HYAL3: variants seen among roughly 807,000 people sequenced by gnomAD.
HYAL3 encodes hyaluronidase-3.
In HYAL3, 25 loss-of-function variants were observed where a neutral mutation model predicts 29.6. That is an observed-to-expected ratio of 0.85 (90% CI 0.62 to 1.18). HYAL3 has a LOEUF of 1.18. Among genes scored for constraint, HYAL3 ranks in the 50% most tolerant of loss-of-function variants. The pLI is 0.00. For missense variants in HYAL3, 442 were observed against 548.4 expected, an observed-to-expected ratio of 0.81 and a Z score of 1.94; for synonymous variants, 215 against 218.3, an observed-to-expected ratio of 0.99 and a Z score of 0.13.
rs782683633 is a variant in HYAL3, at chr3:50,293,088, T to C, written c.*158A>G. On this transcript the variant is annotated 3_prime_UTR_variant, in exon 4 of 4. Coordinates refer to ENST00000336307, the MANE Select transcript of HYAL3 (RefSeq NM_003549.4). The stretch of plus-strand genomic sequence containing the variant: ...GGGCCTCTGGTTTTATAAGCGTTTT[T>C]TCTGGCCCCTTCTACCCCTCAGGGA... 1 of 1,433,952 alleles carries C rather than the reference T, an allele frequency of 7.0e-7. No homozygotes were observed. The highest frequency in any genetic ancestry group is 2.3e-5 in the East Asian group (1 of 43,988). The allele number at this position is 1,433,952 out of a possible 1,614,324, so 88.8% of individuals were successfully genotyped here.
rs781844263 is a variant in HYAL3, at chr3:50,297,020, C to T, written c.-17-1401G>A. On this transcript the variant is annotated intron_variant, in intron 1 of 3. Coordinates refer to ENST00000336307, the MANE Select transcript of HYAL3 (RefSeq NM_003549.4). The surrounding 1 kb of genome is among the most constrained non-coding windows in gnomAD (Gnocchi z 4.3). The stretch of plus-strand genomic sequence containing the variant: ...TGAGGCGGCGGCCAAAGCCACGGCC[C>T]CTCAGGGCCCGGGCCACCACCACTG... The T allele has an allele frequency of 4.5e-6, 7 of 1,545,012 alleles. No individual in the cohort carries two copies. The highest frequency in any genetic ancestry group is 5.2e-6 in the Non-Finnish European group (6 of 1,149,642).
chr3:50,296,566 A>G (rs1450069911), intron 1 of HYAL3: 5 of 1,601,828 alleles, frequency 3.1e-6, no homozygotes, highest in East Asian at 2.2e-5. Flanking sequence ...GGGGCAGTCT[A>G]TTGAACCAGA....
chr3:50,299,027 G>A (rs1702001424), intron 1 of HYAL3, 186 bp downstream of exon 1: 2 of 1,525,158 alleles, frequency 1.3e-6, no homozygotes, highest in East Asian at 4.8e-5. Context: ...CTCCTAGTGG[G>A]TCACAGGCTG....
intron 2 of HYAL3, among the ~76,000 whole-genome samples, chr3:50,293,927 G>T (rs1701752658): frequency 1.3e-5 from 2 of 152,144 alleles, no homozygotes; most frequent in African/African-American, 4.8e-5. Flanking sequence ...GCTCACTGCA[G>T]CCTTGAACTC....
rs1265227018 is a variant in HYAL3, at chr3:50,295,575, C to T, written c.28G>A (p.Val10Met). ...CCCAGGCACAGGGCCACCCCCAGCA[C>T]CAGGGCTGGGCCCAGTTGCGTGGTC... is the stretch of plus-strand genomic sequence containing the variant. Reference protein sequence around the residue: MTTQLGPALVLGVALCLGCG... With the variant: MTTQLGPALMLGVALCLGCG... The change falls in exon 2 of 4, where the codon GTG becomes ATG. Residue 10 changes from valine (V) to methionine (M), a missense_variant. Coordinates refer to ENST00000336307, the MANE Select transcript of HYAL3 (RefSeq NM_003549.4). 3 of 1,565,440 alleles carry T rather than the reference C, an allele frequency of 1.9e-6. No homozygotes were observed. The highest frequency in any genetic ancestry group is 2.6e-6 in the Non-Finnish European group (3 of 1,153,464).
rs375463370 is a variant in HYAL3 at position 50,295,799 on chromosome 3, A to G, written c.-17-180T>C. 171 of 585,502 alleles carry G rather than the reference A, an allele frequency of 2.9e-4. 2 individuals are homozygous for G. In the South Asian group the frequency reaches 4.4e-3, roughly 15 times the overall value. The allele number at this position is 585,502 out of a possible 1,614,324, so 36.3% of individuals were successfully genotyped here. ...AAAGCAGCCACACCGCAAGCTGGCT[A>G]TGATGCCCCGGGCATCGAGTGGCAG... On this transcript the variant is annotated intron_variant, in intron 1 of 3. Transcript: ENST00000336307.
At position 50,293,256 on chromosome 3, in the gene HYAL3, T is replaced by G; in HGVS notation, c.1244A>C (p.Glu415Ala). The change falls in exon 4 of 4, where the codon GAA (glutamate) becomes GCA (alanine). Residue 415 changes from glutamate (E) to alanine (A), a missense_variant. Transcript: ENST00000336307. ...GCAGGGGCCCTGGCTTTATACTGCT[T>G]CTTTAGGCCCAGGCCTGGGCTCCTG... ...TCQEPRPGPKEAV is the reference protein window; with the variant it reads ...TCQEPRPGPKAAV 1 of 1,613,092 alleles carries G rather than the reference T, an allele frequency of 6.2e-7. No individual in the cohort carries two copies. Among genetic ancestry groups the G allele is most frequent in the Non-Finnish European group, 8.5e-7 (1 of 1,180,020 alleles).
chr3:50,295,915 C>A, intron 1 of HYAL3: 1 of 372,676 alleles, frequency 2.7e-6, no homozygotes. Context: ...CCTCCCACAA[C>A]TGTCACAAGT....
chr3:50,294,948 G>A lies in HYAL3; in HGVS notation c.655C>T (p.Arg219Cys), dbSNP rs150082802. 145 of 1,608,178 alleles carry A rather than the reference G, an allele frequency of 9.0e-5. No individual in the cohort carries two copies. In the African/African-American group the frequency reaches 1.5e-3, roughly 17 times the overall value. Residue 219 changes from arginine to cysteine, a missense_variant, in exon 2 of 4, where the codon CGC becomes TGC. Coordinates refer to ENST00000336307, the MANE Select transcript of HYAL3 (RefSeq NM_003549.4). Reference protein sequence around the residue: ...WHSMASNYTGRCHAATLARNT... With the variant: ...WHSMASNYTGCCHAATLARNT... ...CGGGCAAGGGTGGCTGCATGGCAGC[G>A]GCCGGTATAGTTGGAAGCCATACTA...
chr3:50,298,357 C>A lies in HYAL3; in HGVS notation c.-18+856G>T, dbSNP rs145949543. On this transcript the variant is annotated intron_variant, in intron 1 of 3. Coordinates refer to ENST00000336307, the MANE Select transcript of HYAL3 (RefSeq NM_003549.4). ...GGAGCCCATGGCCCCCTTCCCAACT[C>A]TGCCCATCTCAGGACACTTTGGATA... 4.9e-4 allele frequency among the ~76,000 whole-genome samples: 75 copies of A among 152,246 alleles called. 1 individual carries two copies. The East Asian group carries it at 0.014, about 29-fold the overall frequency.
At chr3:50,295,872 C>T in intron 1 of HYAL3, 2 of 483,130 alleles carry the variant, frequency 4.1e-6, no homozygotes, top group Non-Finnish European at 7.4e-6. Flanking sequence ...ACATTCCCTC[C>T]CATGTTCCGT....
In HYAL3 at chr3:50,293,433, C is replaced by A; in HGVS notation, c.1067G>T (p.Cys356Phe). ...GTGGCCATGGCACCGCTGGTGACTG[C>A]AGGCCATCGCTGCCCTGGTCACATT... is the stretch of plus-strand genomic sequence containing the variant. ...VINVTRAAMA[C>F]SHQRCHGHGR... The change falls in exon 4 of 4, where the codon TGC becomes TTC. Residue 356 changes from cysteine (C) to phenylalanine (F), a missense_variant. By Grantham distance (205) the Cys-to-Phe change is radical (BLOSUM62 -2). Transcript: ENST00000336307. The A allele has an allele frequency of 6.2e-7, 1 of 1,613,708 alleles. No homozygotes were observed. The highest frequency in any genetic ancestry group is 8.5e-7 in the Non-Finnish European group (1 of 1,180,032).
rs1553711457 is a variant in HYAL3 at position 50,297,213 on chromosome 3, G to A, written c.-17-1594C>T. ...GTGCAGGCGGGAGGTGCGGCTGCGG[G>A]GCCACTGATCATTGATGAGGTCAGC... On this transcript the variant is annotated intron_variant, in intron 1 of 3. Transcript: ENST00000336307. This position sits in a 1 kb window ranked among gnomAD's most constrained non-coding sequence, Gnocchi z 4.3. 6.2e-7 allele frequency: 1 copy of A among 1,612,922 alleles called. No homozygotes were observed. The highest frequency in any genetic ancestry group is 1.1e-5 in the South Asian group (1 of 90,956).
chr3:50,294,692 C>G lies in HYAL3; in HGVS notation c.894+17G>C. 2 of 1,499,898 alleles carry G rather than the reference C, an allele frequency of 1.3e-6. No individual in the cohort carries two copies. Among genetic ancestry groups the G allele is most frequent in the Non-Finnish European group, 1.8e-6 (2 of 1,123,676 alleles). 92.9% of individuals were successfully genotyped at this position (1,499,898 alleles called of 1,614,324 possible). ...ATACCTCCTGACTCAGACCCCTAGA[C>G]CTCAGCTTCCACTTACCTGGGACAG... is the stretch of plus-strand genomic sequence containing the variant. On this transcript the variant is annotated intron_variant, in intron 2 of 3. Transcript: ENST00000336307.
chr3:50,299,103 T>C, intron 1 of HYAL3, 110 bp downstream of exon 1: 1 of 1,609,048 alleles, frequency 6.2e-7, no homozygotes, highest in Non-Finnish European at 8.5e-7. Flanking sequence ...CGGCATGGTC[T>C]GGAAACGAAC....
At chr3:50,294,423 C>T (rs587703901) in intron 2 of HYAL3, among the ~76,000 whole-genome samples, 1 of 152,326 alleles carries the variant, frequency 6.6e-6, no homozygotes, top group Admixed American at 6.5e-5. Flanking sequence ...GTGAGACACT[C>T]ACCCAGCCCA....
rs1553710218 is a variant in HYAL3, at chr3:50,292,949, C to T, written c.*297G>A. ...CGTGCACGGCCCATCTGTGACCTCT[C>T]CATGGGCTTAGTGAGGTGTAGGCAC... On this transcript the variant is annotated 3_prime_UTR_variant, in exon 4 of 4. Transcript: ENST00000336307. 2.0e-6 allele frequency: 3 copies of T among 1,535,396 alleles called. No individual in the cohort carries two copies. Among genetic ancestry groups the T allele is most frequent in the Admixed American group, 3.4e-5 (2 of 58,016 alleles).
rs1553710386 is a variant in HYAL3, at chr3:50,293,415, T to C, written c.1085A>G (p.His362Arg). 2 of 1,613,684 alleles carry C rather than the reference T, an allele frequency of 1.2e-6. No homozygotes were observed. Among genetic ancestry groups the C allele is most frequent in the Non-Finnish European group, 1.7e-6 (2 of 1,180,032 alleles). The change falls in exon 4 of 4, where the codon CAT becomes CGT. Residue 362 changes from histidine (H) to arginine (R), a missense_variant. Transcript: ENST00000336307. ...AAMACSHQRCHGHGRCARRDP... is the reference protein window; with the variant it reads ...AAMACSHQRCRGHGRCARRDP... ...TCGCCGGGCACAGCGCCCGTGGCCA[T>C]GGCACCGCTGGTGACTGCAGGCCAT...
chr3:50,296,926 C>T, intron 1 of HYAL3: 1 of 1,609,556 alleles, frequency 6.2e-7, no homozygotes, highest in Non-Finnish European at 8.5e-7. Flanking sequence ...TAGAAGTGCA[C>T]CTGGTCATGG....
Sources: gnomAD v4.1 joint callset for allele counts (sites outside exome capture counted in the v4.1 genomes callset) on GRCh38, gnomAD v4.1.1 for gene constraint, Gnocchi (gnomAD v3.1) non-coding constraint, MANE v1.5 for transcripts, NCBI Gene and HGNC (gene_info 2026-07-23, HGNC 2026-07-21) for gene names.